Variants in PTPRD observed in about 807,000 individuals in gnomAD.
PTPRD encodes protein tyrosine phosphatase receptor type D, also known as receptor-type tyrosine-protein phosphatase delta.
In PTPRD, 34 loss-of-function variants were observed where a neutral mutation model predicts 214.5. That is an observed-to-expected ratio of 0.16 (90% confidence interval 0.12 to 0.21). The LOEUF (loss-of-function observed/expected upper bound fraction) is 0.21, where lower values mean the gene tolerates loss of function less well. Among genes scored for constraint, PTPRD ranks in the 10% least tolerant of loss-of-function variants. The pLI is 1.00. For missense variants in PTPRD, 2,545 were observed against 2,398.7 expected (o/e 1.06, Z -1.27); for synonymous variants, 1,128 against 845.7 (o/e 1.33, Z -5.79).
At chr9:9,027,202 A>C (rs1366256395) in intron 10 of PTPRD, among the ~76,000 whole-genome samples, 1 of 151,752 alleles carries the variant, frequency 6.6e-6, no homozygotes, top group Non-Finnish European at 1.5e-5. Flanking sequence ...GATTTTCCAA[A>C]TGTAACGATA....
At chr9:9,344,866 T>C (rs1241449076) in intron 9 of PTPRD, among the ~76,000 whole-genome samples, 3 of 152,178 alleles carry the variant, frequency 2.0e-5, no homozygotes, top group African/African-American at 7.2e-5. Context: ...GTGGGGCCAA[T>C]AAATGTATAT....
Position 9,947,233 on chromosome 9 carries a change from A to G in PTPRD, c.-471-8623T>C, listed in dbSNP as rs1325931587. On this transcript the variant is annotated intron_variant, in intron 4 of 45. Coordinates refer to ENST00000381196, the MANE Select transcript of PTPRD (RefSeq NM_002839.4). Reference sequence around the variant, plus strand: ...TTTCAGTAAGGTACTTTGGAATATAATGGTACATTTTAGATATCCAAATTC... The same window carrying G: ...TTTCAGTAAGGTACTTTGGAATATAGTGGTACATTTTAGATATCCAAATTC... 2.2e-5 allele frequency among the ~76,000 whole-genome samples: 3 copies of G among 135,826 alleles called. No homozygotes were observed. In the East Asian group the frequency reaches 6.3e-4, roughly 29 times the overall value. 89.1% of individuals were successfully genotyped at this position (135,826 alleles called of 152,430 possible).
intron 34 of PTPRD, among the ~76,000 whole-genome samples, chr9:8,442,903 T>C (rs1226653007): frequency 6.6e-6 from 1 of 152,206 alleles, no homozygotes; most frequent in Admixed American, 6.5e-5. Context: ...AATGGCATAA[T>C]TAAAATTCAA....
intron 7 of PTPRD, among the ~76,000 whole-genome samples, chr9:9,691,610 T>C (rs943545716): frequency 1.3e-5 from 2 of 152,060 alleles, no homozygotes; most frequent in African/African-American, 4.8e-5. Context: ...AGATTCAATA[T>C]ACTGATTTCC....
At chr9:8,414,930 G>GGGGA (rs1491158344) in intron 35 of PTPRD, among the ~76,000 whole-genome samples, 101 of 49,254 alleles carry the variant, frequency 2.1e-3, no homozygotes, top group Non-Finnish European at 2.5e-3. Context: ...AGAGGGAGGG[G>GGGGA]GAGAGAGAGA....
At chr9:9,654,684 G>C (rs2096463261) in intron 7 of PTPRD, among the ~76,000 whole-genome samples, 1 of 152,154 alleles carries the variant, frequency 6.6e-6, no homozygotes, top group Non-Finnish European at 1.5e-5. Context: ...AAAATATTCT[G>C]ATTCTGAGTT....
At chr9:8,945,887 G>A (rs1295900490) in intron 11 of PTPRD, among the ~76,000 whole-genome samples, 1 of 152,098 alleles carries the variant, frequency 6.6e-6, no homozygotes, top group African/African-American at 2.4e-5. Context: ...AAATAAGCCA[G>A]TCAACAATTA....
intron 2 of PTPRD, among the ~76,000 whole-genome samples, chr9:10,341,606 A>C (rs2096940654): frequency 6.6e-6 from 1 of 152,004 alleles, no homozygotes; most frequent in South Asian, 2.1e-4. Context: ...GTATGCAAAA[A>C]TTATGCAAGA....
chr9:9,198,152 C>G (rs1329278452), intron 9 of PTPRD, among the ~76,000 whole-genome samples: 2 of 152,118 alleles, frequency 1.3e-5, no homozygotes, highest in African/African-American at 2.4e-5. Flanking sequence ...TTAAAAATAT[C>G]TGGTTGAGCT....
At chr9:8,460,304 G>C in intron 33 of PTPRD, 107 bp downstream of exon 33, 1 of 1,280,078 alleles carries the variant, frequency 7.8e-7, no homozygotes, top group Non-Finnish European at 1.1e-6. Flanking sequence ...AAATGGCACT[G>C]AAGTATTTCT....
chr9:9,526,896 T>G (rs2074253580), intron 8 of PTPRD, among the ~76,000 whole-genome samples: 1 of 152,198 alleles, frequency 6.6e-6, no homozygotes, highest in Admixed American at 6.5e-5. Context: ...ATTTTATTTT[T>G]ATTATAAAAT....
At chr9:8,782,398 T>C (rs1161794099) in intron 11 of PTPRD, among the ~76,000 whole-genome samples, 1 of 152,156 alleles carries the variant, frequency 6.6e-6, no homozygotes, top group Non-Finnish European at 1.5e-5. Flanking sequence ...TTACAATACA[T>C]TGTTATTAAC....
At chr9:8,369,710 G>A (rs10815839) in intron 39 of PTPRD, among the ~76,000 whole-genome samples, 83,901 of 151,180 alleles carry the variant, frequency 0.55, 27,042 homozygotes, top group Non-Finnish European at 0.74. Context: ...CTTATGAATA[G>A]AAAGTCTTCC....
chr9:9,265,138 C>A (rs1045721165), intron 9 of PTPRD, among the ~76,000 whole-genome samples: 4 of 151,610 alleles, frequency 2.6e-5, no homozygotes, highest in East Asian at 2.0e-4. Flanking sequence ...ACAAAATATT[C>A]TTTTACTGTA....
At chr9:10,043,941 G>T (rs1363638804) in intron 3 of PTPRD, among the ~76,000 whole-genome samples, 2 of 151,732 alleles carry the variant, frequency 1.3e-5, no homozygotes, top group Non-Finnish European at 2.9e-5. Context: ...CTTCTATTCT[G>T]ATTACTGGCT....
chr9:10,457,491 A>G (rs73390357), intron 2 of PTPRD, among the ~76,000 whole-genome samples: 3,996 of 152,108 alleles, frequency 0.026, 145 homozygotes, highest in African/African-American at 0.083. Context: ...GTAGCATTCC[A>G]TTTTAAGAAT....
chr9:8,736,795 C>A (rs941312120), intron 11 of PTPRD, among the ~76,000 whole-genome samples: 1 of 151,824 alleles, frequency 6.6e-6, no homozygotes, highest in Non-Finnish European at 1.5e-5. Context: ...TGTTCCAAAT[C>A]AGCTATTGTT....
intron 31 of PTPRD, among the ~76,000 whole-genome samples, chr9:8,468,288 C>T (rs2096583355): frequency 6.6e-6 from 1 of 151,910 alleles, no homozygotes; most frequent in Admixed American, 6.6e-5. Context: ...CAAAGTCAGC[C>T]AGCATGTTGC....
At chr9:8,696,473 C>T (rs946577756) in intron 12 of PTPRD, among the ~76,000 whole-genome samples, 7 of 152,126 alleles carry the variant, frequency 4.6e-5, no homozygotes, top group African/African-American at 1.7e-4. Context: ...AATCACTGAG[C>T]AATCCAGATG....
Sources: gnomAD v4.1 joint callset for allele counts (sites outside exome capture counted in the v4.1 genomes callset) on GRCh38, gnomAD v4.1.1 for gene constraint, MANE v1.5 for transcripts, NCBI Gene and HGNC (gene_info 2026-07-23, HGNC 2026-07-21) for gene names.